ABTB2: variants seen among roughly 807,000 people sequenced by gnomAD.
ABTB2 encodes ankyrin repeat and BTB domain containing 2.
A neutral mutation model predicts 104.1 loss-of-function variants in ABTB2; 56 were observed. The observed-to-expected ratio is 0.54, with a 90% CI of 0.43 to 0.67. The LOEUF (loss-of-function observed/expected upper bound fraction) is 0.67, where lower values mean the gene tolerates loss of function less well. ABTB2 is among the 30% of genes least tolerant of loss of function. The probability of loss-of-function intolerance (pLI) is 0.00; values close to 1 mark genes in which losing one functional copy is unlikely to be tolerated. For synonymous variants in ABTB2, 606 were observed against 608.2 expected (o/e 1.00, Z 0.05); for missense variants, 1,279 against 1,407.7 (o/e 0.91, Z 1.46).
At position 34,159,930 on chromosome 11, in the gene ABTB2, A is replaced by T. The variant is rs1852685351; in HGVS notation, c.2582T>A (p.Val861Asp). Residue 861 changes from valine to aspartate, a missense_variant, in exon 13 of 17, where the codon GTC becomes GAC. By Grantham distance (152) the Val-to-Asp change is radical. Transcript: ENST00000435224. ...CCTGTTAGAAGCTGTCACCAGCAGG[A>T]CTTTATGTGCATAAAACAGCTTTCC... is the stretch of plus-strand genomic sequence containing the variant. ...VEGKLFYAHK[V>D]LLVTASNRFK... 4.3e-6 allele frequency: 7 copies of T among 1,613,956 alleles called. No individual in the cohort carries two copies. The highest frequency in any genetic ancestry group is 5.9e-6 in the Non-Finnish European group (7 of 1,179,888).
chr11:34,210,999 C>T (rs1248536734), intron 1 of ABTB2, among the ~76,000 whole-genome samples: 1 of 152,106 alleles, frequency 6.6e-6, no homozygotes. Flanking sequence ...ATATATAGTA[C>T]ATTTAATGCC....
At chr11:34,208,788 C>T (rs1014398888) in intron 1 of ABTB2, among the ~76,000 whole-genome samples, 2 of 152,064 alleles carry the variant, frequency 1.3e-5, no homozygotes, top group South Asian at 2.1e-4. Flanking sequence ...CCCTTCTCAT[C>T]CACCTCCCAT....
At chr11:34,236,259 T>TA (rs1443375484) in intron 1 of ABTB2, among the ~76,000 whole-genome samples, 2 of 152,076 alleles carry the variant, frequency 1.3e-5, no homozygotes, top group African/African-American at 4.8e-5. Context: ...ATATGAAAGG[T>TA]AAAAAAATGT....
Position 34,152,508 on chromosome 11 carries a change from T to G in ABTB2, c.2957A>C (p.Asp986Ala). The G allele has an allele frequency of 1.2e-6, 2 of 1,611,032 alleles. No homozygotes were observed. Among genetic ancestry groups the G allele is most frequent in the Non-Finnish European group, 1.7e-6 (2 of 1,179,242 alleles). The change falls in exon 17 of 17, where the codon GAT becomes GCT. Residue 986 changes from aspartate (D) to alanine (A), a missense_variant. Transcript: ENST00000435224. ...GCCGTAGATGAGCTGCCGGAAGGCA[T>G]CCTGCTCCAGTAGGGCCTTCATGTG... ...LKHMKALLEQ[D>A]AFRQLIYGRS...
intron 1 of ABTB2, among the ~76,000 whole-genome samples, chr11:34,260,579 T>G (rs1483644564): frequency 6.6e-6 from 1 of 152,202 alleles, no homozygotes; most frequent in East Asian, 1.9e-4. Context: ...CTTCAAAGGA[T>G]AAATTGTATT....
At chr11:34,290,672 G>A (rs1012428303) in intron 1 of ABTB2, among the ~76,000 whole-genome samples, 35 of 151,814 alleles carry the variant, frequency 2.3e-4, no homozygotes, top group Admixed American at 1.5e-3. Context: ...CAAGATCCTC[G>A]TCTCTATAAA....
chr11:34,173,805 C>G (rs1021841611), intron 3 of ABTB2, among the ~76,000 whole-genome samples: 1 of 152,192 alleles, frequency 6.6e-6, no homozygotes, highest in African/African-American at 2.4e-5. Context: ...GGGCTGCCAC[C>G]AGCAGGGTCA....
At chr11:34,187,814 A>G (rs1853121355) in intron 3 of ABTB2, among the ~76,000 whole-genome samples, 1 of 152,080 alleles carries the variant, frequency 6.6e-6, no homozygotes, top group Admixed American at 6.6e-5. Flanking sequence ...AGCTACTCTG[A>G]GGGCTGAGTT....
chr11:34,337,857 C>T (rs943016355), intron 1 of ABTB2, among the ~76,000 whole-genome samples: 8 of 152,110 alleles, frequency 5.3e-5, no homozygotes, highest in Non-Finnish European at 1.0e-4. Context: ...ATCTTTCTAA[C>T]ACCTCTCCCC....
chr11:34,323,183 A>C (rs1291871178), intron 1 of ABTB2, among the ~76,000 whole-genome samples: 1 of 152,210 alleles, frequency 6.6e-6, no homozygotes, highest in Non-Finnish European at 1.5e-5. Flanking sequence ...CTGGAATTAC[A>C]GGCGTGAGTC....
In ABTB2 at chr11:34,254,553, A is replaced by C. The variant is rs189143636; in HGVS notation, c.884-49863T>G. 3.9e-5 allele frequency among the ~76,000 whole-genome samples: 6 copies of C among 152,284 alleles called. No individual in the cohort carries two copies. The East Asian group carries it at 9.6e-4, about 24-fold the overall frequency. On this transcript the variant is annotated intron_variant, in intron 1 of 16. Transcript: ENST00000435224. ...GAGAGCCACCGTGCTCGGCCAATGG[A>C]AGCTTTTATTAAAACCTGTTTCCTT... is the stretch of plus-strand genomic sequence containing the variant.
intron 13 of ABTB2, 80 bp downstream of exon 13, chr11:34,159,826 G>T: frequency 8.7e-7 from 1 of 1,150,664 alleles, no homozygotes; most frequent in Non-Finnish European, 1.3e-6. Flanking sequence ...GCCCCAGCGA[G>T]TCACTCTCTG....
chr11:34,300,146 G>A (rs772121419), intron 1 of ABTB2, among the ~76,000 whole-genome samples: 1 of 152,102 alleles, frequency 6.6e-6, no homozygotes, highest in African/African-American at 2.4e-5. Context: ...TTTACAGCCC[G>A]CTGAATCTAA....
At chr11:34,275,299 C>T (rs1389232930) in intron 1 of ABTB2, among the ~76,000 whole-genome samples, 1 of 152,204 alleles carries the variant, frequency 6.6e-6, no homozygotes, top group Non-Finnish European at 1.5e-5. Flanking sequence ...ATTCTCCTCC[C>T]CTCCTGGAAT....
At chr11:34,301,663 C>T (rs143814900) in intron 1 of ABTB2, among the ~76,000 whole-genome samples, 3 of 152,292 alleles carry the variant, frequency 2.0e-5, no homozygotes, top group East Asian at 1.9e-4. Flanking sequence ...CCTCTTGCTA[C>T]GGGAGGCTTA....
At chr11:34,245,411 C>A (rs146698325) in intron 1 of ABTB2, among the ~76,000 whole-genome samples, 13 of 152,206 alleles carry the variant, frequency 8.5e-5, no homozygotes, top group Non-Finnish European at 1.6e-4. Context: ...GTATCCACTT[C>A]CGGCATCTTT....
intron 3 of ABTB2, among the ~76,000 whole-genome samples, chr11:34,196,459 C>T (rs973825117): frequency 1.3e-5 from 2 of 152,150 alleles, no homozygotes; most frequent in African/African-American, 4.8e-5. Context: ...GAGGCTGAGG[C>T]AGGAGAATGG....
intron 1 of ABTB2, among the ~76,000 whole-genome samples, chr11:34,324,970 C>A (rs1855051870): frequency 6.6e-6 from 1 of 152,116 alleles, no homozygotes; most frequent in South Asian, 2.1e-4. Context: ...CTTTCCAGTT[C>A]TTTTTTTGGT....
chr11:34,187,432 T>C (rs1853114876), intron 3 of ABTB2, among the ~76,000 whole-genome samples: 1 of 151,900 alleles, frequency 6.6e-6, no homozygotes, highest in Admixed American at 6.6e-5. Flanking sequence ...TTCGTAGATG[T>C]CCAAAATGGG....
Sources: allele counts gnomAD v4.1 joint callset (sites outside exome capture counted in the v4.1 genomes callset), GRCh38; gene constraint gnomAD v4.1.1; transcripts MANE v1.5; gene names NCBI Gene and HGNC (gene_info 2026-07-23, HGNC 2026-07-21).